Variants in CNOT2 observed in about 807,000 individuals in gnomAD.
CNOT2 encodes CC chemokine receptor 4-negative regulator of transcription 2.
Under a neutral mutation model 72.1 loss-of-function variants are expected in CNOT2, and 7 were observed. That is an observed-to-expected ratio of 0.10 (90% CI 0.06 to 0.18). CNOT2 has a LOEUF of 0.18. Ranked by LOEUF, CNOT2 falls within the 10% of genes least tolerant of loss-of-function variation. The probability of loss-of-function intolerance (pLI) is 1.00; values close to 1 mark genes in which losing one functional copy is unlikely to be tolerated. For missense variants in CNOT2, 345 were observed against 660.3 expected (o/e 0.52, Z 5.23); for synonymous variants, 196 against 225.6 (o/e 0.87, Z 1.17).
intron 2 of CNOT2, among the ~76,000 whole-genome samples, chr12:70,305,624 A>G (rs1248635966): frequency 1.3e-5 from 2 of 152,250 alleles, no homozygotes; most frequent in Non-Finnish European, 1.5e-5. Context: ...TTCAGAGATT[A>G]CCATGAACAG....
At chr12:70,246,993 T>C (rs1957905639) in intron 1 of CNOT2, among the ~76,000 whole-genome samples, 1 of 152,172 alleles carries the variant, frequency 6.6e-6, no homozygotes, top group South Asian at 2.1e-4. Flanking sequence ...TTATGACATA[T>C]AATATGGAAA....
chr12:70,350,049 TA>T (rs1405370219), intron 15 of CNOT2, among the ~76,000 whole-genome samples: 4 of 152,098 alleles, frequency 2.6e-5, no homozygotes, highest in African/African-American at 9.7e-5. Context: ...TCTTTCCTTT[TA>T]TATACTCATT....
intron 4 of CNOT2, among the ~76,000 whole-genome samples, chr12:70,319,892 G>A (rs575336081): frequency 8.6e-5 from 13 of 151,588 alleles, no homozygotes; most frequent in Admixed American, 2.0e-4. Flanking sequence ...TGCTTGTTCC[G>A]TTTTGCAGGC....
intron 2 of CNOT2, among the ~76,000 whole-genome samples, chr12:70,305,392 G>A (rs144619164): frequency 1.2e-4 from 19 of 152,258 alleles, no homozygotes; most frequent in African/African-American, 4.3e-4. Flanking sequence ...CTCCCACGGG[G>A]TTCCTTCTGC....
At position 70,342,315 on chromosome 12, in the gene CNOT2, T is replaced by C. The variant is rs1023510042; in HGVS notation, c.1290+8T>C. Reference sequence around the variant, plus strand: ...ATTCACATTAGGGATAAGGTGAGTGTAGTTTATTATTCTACTCAGTCAGCA... The same window carrying C: ...ATTCACATTAGGGATAAGGTGAGTGCAGTTTATTATTCTACTCAGTCAGCA... On this transcript the variant is annotated splice_region_variant and intron_variant, in intron 13 of 15. Transcript: ENST00000229195. 1 of 1,612,630 alleles carries C rather than the reference T, an allele frequency of 6.2e-7. No homozygotes were observed. The highest frequency in any genetic ancestry group is 1.7e-5 in the Admixed American group (1 of 59,942).
intron 11 of CNOT2, among the ~76,000 whole-genome samples, chr12:70,339,602 C>G (rs962585991): frequency 3.9e-5 from 6 of 152,158 alleles, no homozygotes; most frequent in African/African-American, 1.4e-4. Flanking sequence ...ATATCACTGC[C>G]TGGTCTTCCT....
intron 2 of CNOT2, among the ~76,000 whole-genome samples, chr12:70,298,737 G>T (rs1163974544): frequency 6.6e-6 from 1 of 152,136 alleles, no homozygotes; most frequent in African/African-American, 2.4e-5. Context: ...CCGGGACATG[G>T]AAACTAACTT....
chr12:70,317,218 A>G (rs1877484341), intron 3 of CNOT2, among the ~76,000 whole-genome samples: 1 of 152,146 alleles, frequency 6.6e-6, no homozygotes, highest in Non-Finnish European at 1.5e-5. Context: ...CTACATAATC[A>G]TAAAAGAAAA....
intron 2 of CNOT2, among the ~76,000 whole-genome samples, chr12:70,288,874 T>C (rs951336857): frequency 6.6e-6 from 1 of 152,318 alleles, no homozygotes; most frequent in East Asian, 1.9e-4. Context: ...TCATTGTTCA[T>C]GGTAATTTTA....
intron 1 of CNOT2, among the ~76,000 whole-genome samples, chr12:70,274,930 A>C (rs1205873625): frequency 6.6e-6 from 1 of 152,110 alleles, no homozygotes; most frequent in Non-Finnish European, 1.5e-5. Flanking sequence ...CTATTAAAGG[A>C]CATCACGTCT....
At chr12:70,257,760 A>G (rs1298754280) in intron 1 of CNOT2, among the ~76,000 whole-genome samples, 1 of 152,156 alleles carries the variant, frequency 6.6e-6, no homozygotes, top group African/African-American at 2.4e-5. Flanking sequence ...TTCCACCACT[A>G]GATCATGAGT....
intron 15 of CNOT2, among the ~76,000 whole-genome samples, chr12:70,350,389 C>T (rs529817093): frequency 3.3e-4 from 50 of 152,264 alleles, no homozygotes; most frequent in South Asian, 3.1e-3. Context: ...CATCCTTATA[C>T]TTTAGTAATG....
intron 15 of CNOT2, among the ~76,000 whole-genome samples, chr12:70,349,937 G>A (rs538694762): frequency 1.6e-4 from 24 of 152,248 alleles, no homozygotes; most frequent in African/African-American, 5.8e-4. Context: ...GAGCCCAGGA[G>A]TTCAAGGTTG....
intron 2 of CNOT2, among the ~76,000 whole-genome samples, chr12:70,304,969 G>T (rs543076266): frequency 1.3e-5 from 2 of 152,252 alleles, no homozygotes. Context: ...AGGACCCTCT[G>T]AGCCAGGTGC....
intron 1 of CNOT2, among the ~76,000 whole-genome samples, chr12:70,259,070 T>G (rs1225954609): frequency 6.6e-6 from 1 of 152,198 alleles, no homozygotes; most frequent in African/African-American, 2.4e-5. Flanking sequence ...GTTAGCTGAA[T>G]TTTTCCCATT....
chr12:70,254,237 CAA>C (rs10711236), intron 1 of CNOT2, among the ~76,000 whole-genome samples: 336 of 117,916 alleles, frequency 2.8e-3, no homozygotes, highest in African/African-American at 4.7e-3. Context: ...GACTCTGTCT[CAA>C]AAAAAAAAAA....
intron 1 of CNOT2, among the ~76,000 whole-genome samples, chr12:70,276,816 T>C (rs1180971563): frequency 6.6e-6 from 1 of 152,058 alleles, no homozygotes; most frequent in East Asian, 1.9e-4. Flanking sequence ...GTATTTTGGC[T>C]AAACGTACAC....
chr12:70,247,027 A>G (rs1270184240), intron 1 of CNOT2, among the ~76,000 whole-genome samples: 2 of 152,154 alleles, frequency 1.3e-5, no homozygotes, highest in East Asian at 3.8e-4. Context: ...ATTATTTAGG[A>G]AAAAATGGGA....
intron 1 of CNOT2, among the ~76,000 whole-genome samples, chr12:70,254,817 T>C (rs1300186519): frequency 2.0e-5 from 3 of 151,650 alleles, no homozygotes; most frequent in Non-Finnish European, 4.4e-5. Flanking sequence ...CTGTCTCTAC[T>C]AAAAATACAA....
Sources: allele counts gnomAD v4.1 joint callset (sites outside exome capture counted in the v4.1 genomes callset), GRCh38; gene constraint gnomAD v4.1.1; transcripts MANE v1.5; gene names NCBI Gene and HGNC (gene_info 2026-07-23, HGNC 2026-07-21).